CAMTA1: variants seen among roughly 807,000 people sequenced by gnomAD.
CAMTA1 encodes the protein calmodulin binding transcription activator 1.
CAMTA1 carries 27 observed loss-of-function variants against 170.9 expected under a neutral mutation model. That is an observed-to-expected ratio of 0.16 (90% CI 0.12 to 0.22). CAMTA1 has a LOEUF of 0.22. Ranked by LOEUF, CAMTA1 falls within the 10% of genes least tolerant of loss-of-function variation. The pLI, the probability that CAMTA1 is intolerant of heterozygous loss-of-function variation, is 1.00. For missense variants in CAMTA1, 1,619 were observed against 2,217.2 expected (o/e 0.73, Z 5.42); for synonymous variants, 833 against 891.5 (o/e 0.93, Z 1.17).
chr1:7,194,107 A>G (rs1655069317), intron 4 of CAMTA1, among the ~76,000 whole-genome samples: 1 of 152,232 alleles, frequency 6.6e-6, no homozygotes, highest in South Asian at 2.1e-4. Context: ...AATTGTACCT[A>G]ATAATATGAA....
At chr1:7,650,723 T>C (rs910086459) in intron 7 of CAMTA1, among the ~76,000 whole-genome samples, 8 of 152,052 alleles carry the variant, frequency 5.3e-5, no homozygotes, top group Non-Finnish European at 1.0e-4. Flanking sequence ...CTCCTCGAAA[T>C]GAGATTTCTG....
chr1:7,634,861 C>T lies in CAMTA1; in HGVS notation c.511-5539C>T, dbSNP rs1312473199. ...TCTCCTGACGACATTCCAGCTGTTC[C>T]GAGGCCTGACCCTGCTCCCTGCAGC... is the stretch of plus-strand genomic sequence containing the variant. On this transcript the variant is annotated intron_variant, in intron 6 of 22. Transcript: ENST00000303635. The surrounding 1 kb of genome is among the most constrained non-coding windows in gnomAD (Gnocchi z 6.2). Among the ~76,000 whole-genome samples, 2 of 152,112 alleles carry T rather than the reference C, an allele frequency of 1.3e-5. No homozygotes were observed. The highest frequency in any genetic ancestry group is 2.4e-5 in the African/African-American group (1 of 41,412).
At chr1:7,427,455 G>C (rs1336076940) in intron 5 of CAMTA1, among the ~76,000 whole-genome samples, 3 of 152,204 alleles carry the variant, frequency 2.0e-5, no homozygotes, top group African/African-American at 7.2e-5. Context: ...GCATATCCAA[G>C]CTGCAGGAAG....
intron 4 of CAMTA1, among the ~76,000 whole-genome samples, chr1:7,238,971 A>C (rs977085399): frequency 3.9e-5 from 6 of 152,254 alleles, no homozygotes; most frequent in African/African-American, 1.4e-4. Flanking sequence ...ACCTCTGCAC[A>C]GCTTGCAGTC....
At chr1:7,608,177 C>A (rs192413938) in intron 6 of CAMTA1, among the ~76,000 whole-genome samples, 1 of 152,200 alleles carries the variant, frequency 6.6e-6, no homozygotes, top group East Asian at 1.9e-4. Context: ...CCTGCCCGCT[C>A]CTCTGACTGA....
intron 5 of CAMTA1, among the ~76,000 whole-genome samples, chr1:7,383,924 C>T (rs1040107282): frequency 6.6e-6 from 1 of 152,142 alleles, no homozygotes; most frequent in African/African-American, 2.4e-5. Context: ...AGAGAATCTG[C>T]CCCCATTTTT....
chr1:7,663,439 G>T lies in CAMTA1; in HGVS notation c.892G>T (p.Gly298Trp). Residue 298 changes from glycine to tryptophan, a missense_variant, in exon 9 of 23, where the codon GGG becomes TGG. By Grantham distance (184) the Gly-to-Trp change is radical. Around this residue, in one of 8 missense-constraint regions of CAMTA1, gnomAD observed 731 missense variants for 907.6 expected, o/e 0.81. Transcript: ENST00000303635. ...GGTGGAGCCACGGACAGGGGGGTAC[G>T]GGAGCCACTCGGAGGTGCAGCACAA... ...PKVEPRTGGY[G>W]SHSEVQHNDV... The T allele has an allele frequency of 6.3e-7, 1 of 1,578,456 alleles. No homozygotes were observed. Among genetic ancestry groups the T allele is most frequent in the Non-Finnish European group, 8.6e-7 (1 of 1,156,624 alleles).
chr1:7,145,714 G>A (rs1296701443), intron 4 of CAMTA1, among the ~76,000 whole-genome samples: 1 of 152,248 alleles, frequency 6.6e-6, no homozygotes, highest in Admixed American at 6.5e-5. Context: ...CCATGAGTCT[G>A]TGAGCACAGA....
intron 6 of CAMTA1, among the ~76,000 whole-genome samples, chr1:7,528,558 G>C (rs559208363): frequency 6.6e-6 from 1 of 152,100 alleles, no homozygotes; most frequent in Non-Finnish European, 1.5e-5. Flanking sequence ...GACTTTTGCT[G>C]TCAGCGTCTG....
intron 4 of CAMTA1, among the ~76,000 whole-genome samples, chr1:7,105,769 C>G (rs1643513496): frequency 6.6e-6 from 1 of 151,822 alleles, no homozygotes; most frequent in South Asian, 2.1e-4. Flanking sequence ...ATAGTGAGAC[C>G]ACCGTCTCTA....
intron 5 of CAMTA1, among the ~76,000 whole-genome samples, chr1:7,431,508 T>C (rs1462525723): frequency 6.6e-6 from 1 of 152,066 alleles, no homozygotes; most frequent in Admixed American, 6.5e-5. Flanking sequence ...GGGAAGAGCG[T>C]CCTGCCATAG....
At chr1:7,503,368 G>T (rs1317643624) in intron 6 of CAMTA1, among the ~76,000 whole-genome samples, 1 of 152,190 alleles carries the variant, frequency 6.6e-6, no homozygotes, top group Non-Finnish European at 1.5e-5. Context: ...GGGCTTTCGG[G>T]TCACAATGCA....
chr1:7,724,467 C>A (rs1461937160), intron 11 of CAMTA1, among the ~76,000 whole-genome samples: 9 of 152,172 alleles, frequency 5.9e-5, no homozygotes, highest in African/African-American at 2.2e-4. Context: ...TAACCATGCT[C>A]CCATAGATGG....
chr1:7,590,715 T>C (rs1371985918), intron 6 of CAMTA1, among the ~76,000 whole-genome samples: 1 of 152,192 alleles, frequency 6.6e-6, no homozygotes, highest in Non-Finnish European at 1.5e-5. Context: ...TTTATGGTCC[T>C]GCTTTCAAAA....
chr1:7,055,895 C>T (rs1367779129), intron 3 of CAMTA1, among the ~76,000 whole-genome samples: 1 of 152,240 alleles, frequency 6.6e-6, no homozygotes, highest in Non-Finnish European at 1.5e-5. Context: ...TCTGCAGAGC[C>T]CTCTGAGTTA....
intron 3 of CAMTA1, among the ~76,000 whole-genome samples, chr1:7,032,176 G>A (rs1702903393): frequency 6.6e-6 from 1 of 151,976 alleles, no homozygotes; most frequent in Admixed American, 6.6e-5. Flanking sequence ...ATTTGACCAG[G>A]CTGGCCTTGA....
chr1:7,288,827 C>G (rs759731013), intron 5 of CAMTA1, among the ~76,000 whole-genome samples: 2 of 152,044 alleles, frequency 1.3e-5, no homozygotes, highest in Non-Finnish European at 2.9e-5. Flanking sequence ...TTGGTATTAG[C>G]GGGAGAGTTG....
intron 3 of CAMTA1, among the ~76,000 whole-genome samples, chr1:6,835,529 G>A (rs945831295): frequency 6.6e-6 from 1 of 152,240 alleles, no homozygotes; most frequent in Non-Finnish European, 1.5e-5. Context: ...TTCAAACACA[G>A]ATTGCTGGGC....
At chr1:7,644,759 T>C (rs2095791543) in intron 7 of CAMTA1, among the ~76,000 whole-genome samples, 1 of 152,240 alleles carries the variant, frequency 6.6e-6, no homozygotes, top group Non-Finnish European at 1.5e-5. Flanking sequence ...TTACTCCTAG[T>C]TGCAAGAGAG....
Sources: gnomAD v4.1 joint callset for allele counts (sites outside exome capture counted in the v4.1 genomes callset) on GRCh38, gnomAD v4.1.1 for gene constraint, gnomAD v4.1.1 regional missense constraint, Gnocchi (gnomAD v3.1) non-coding constraint, MANE v1.5 for transcripts, NCBI Gene and HGNC (gene_info 2026-07-23, HGNC 2026-07-21) for gene names.